The following LRRC43 variants were observed in gnomAD, a reference collection of about 807,000 sequenced individuals.
LRRC43 encodes the protein leucine rich repeat containing 43.
LRRC43 carries 62 observed loss-of-function variants against 64.3 expected under a neutral mutation model. The observed-to-expected ratio is 0.96, with a 90% CI of 0.79 to 1.19. LRRC43 has a LOEUF of 1.19. Among genes scored for constraint, LRRC43 ranks in the 50% most tolerant of loss-of-function variants. The probability of loss-of-function intolerance (pLI) is 0.00; values close to 1 mark genes in which losing one functional copy is unlikely to be tolerated. For synonymous variants in LRRC43, 422 were observed against 382.3 expected, an observed-to-expected ratio of 1.10 and a Z score of -1.21; for missense variants, 868 against 845.0, an observed-to-expected ratio of 1.03 and a Z score of -0.34.
upstream of LRRC43, among the ~76,000 whole-genome samples, chr12:122,181,542 CAA>C (rs1397476855): frequency 8.2e-5 from 7 of 85,870 alleles, no homozygotes; most frequent in Admixed American, 2.6e-4. Flanking sequence ...GACTCCGTCT[CAA>C]AAAAAAAAAA....
At chr12:122,188,743 G>C (rs943064750) in intron 4 of LRRC43, among the ~76,000 whole-genome samples, 15 of 152,120 alleles carry the variant, frequency 9.9e-5, no homozygotes, top group African/African-American at 3.6e-4. Flanking sequence ...ACTTGGCCTG[G>C]TGCCGTATTT....
chr12:122,185,283 C>G (rs1307275610), intron 2 of LRRC43, among the ~76,000 whole-genome samples: 1 of 152,040 alleles, frequency 6.6e-6, no homozygotes, highest in Non-Finnish European at 1.5e-5. Flanking sequence ...GAGGCCCAGC[C>G]TGGGCAACAT....
chr12:122,192,716 C>T (rs1456935920), intron 6 of LRRC43, 29 bp from the exon 7 acceptor site: 11 of 1,607,914 alleles, frequency 6.8e-6, no homozygotes, highest in South Asian at 2.2e-5. Flanking sequence ...AGACGGCAGC[C>T]TTGGACGAGT....
intron 1 of LRRC43, among the ~76,000 whole-genome samples, chr12:122,173,491 C>G (rs199756249): frequency 6.6e-6 from 1 of 152,220 alleles, no homozygotes. Flanking sequence ...CAAGACCAGC[C>G]TGGCCAACGT....
intron 1 of LRRC43, among the ~76,000 whole-genome samples, chr12:122,173,171 G>A (rs1953504561): frequency 6.6e-6 from 1 of 151,832 alleles, no homozygotes. Flanking sequence ...AAACCAAGGA[G>A]TCCGGACCAC....
rs925296638 is a variant in LRRC43, at chr12:122,184,311, G to C, written c.151-208G>C. ...GGGTTTCACCGTGTTAGCCAGGATG[G>C]CCTCGATCTCTTGACCTCATGATCC... On this transcript the variant is annotated intron_variant, in intron 1 of 11. Coordinates refer to ENST00000339777, the MANE Select transcript of LRRC43 (RefSeq NM_001098519.2). The surrounding 1 kb of genome is among the most constrained non-coding windows in gnomAD (Gnocchi z 4.0). Among the ~76,000 whole-genome samples, 1 of 152,080 alleles carries C rather than the reference G, an allele frequency of 6.6e-6. No individual in the cohort carries two copies. Among genetic ancestry groups the C allele is most frequent in the Non-Finnish European group, 1.5e-5 (1 of 68,010 alleles).
In LRRC43 at chr12:122,200,997, G is replaced by T. The variant is rs540002376; in HGVS notation, c.1809+63G>T. 2 of 1,511,962 alleles carry T rather than the reference G, an allele frequency of 1.3e-6. No homozygotes were observed. Among genetic ancestry groups the T allele is most frequent in the Admixed American group, 2.2e-5 (1 of 45,740 alleles). The allele number at this position is 1,511,962 out of a possible 1,614,324, so 93.7% of individuals were successfully genotyped here. On this transcript the variant is annotated intron_variant, in intron 10 of 11. Transcript: ENST00000339777. The surrounding 1 kb of genome is among the most constrained non-coding windows in gnomAD (Gnocchi z 4.6). The stretch of plus-strand genomic sequence containing the variant: ...TTCGCCCTCCCCATGGGAACCCCGC[G>T]GGCAAGCAAGGGCTGTGGGCCCAGG...
chr12:122,177,852 T>A (rs868745879), intron 1 of LRRC43, among the ~76,000 whole-genome samples: 2 of 67,948 alleles, frequency 2.9e-5, no homozygotes, highest in East Asian at 1.1e-3. Context: ...TTATTTATTA[T>A]TTTGAGATGG....
chr12:122,183,148 G>T lies in LRRC43; in HGVS notation c.4G>T (p.Glu2Ter), dbSNP rs1953598193. M[E>*]ASYESESESE... The stretch of plus-strand genomic sequence containing the variant: ...GCCGGGCAACGCGGCCCGGGCCATG[G>T]AGGCGTCGTACGAGTCCGAGTCCGA... Residue 2 changes from glutamate (E) to a stop codon, truncating the protein, a stop_gained, in exon 1 of 12, where the codon GAG becomes TAG. Coordinates refer to ENST00000339777, the MANE Select transcript of LRRC43 (RefSeq NM_001098519.2). LOFTEE classifies it high-confidence loss of function. The T allele has an allele frequency of 6.5e-7, 1 of 1,543,416 alleles. No individual in the cohort carries two copies. Among genetic ancestry groups the T allele is most frequent in the Non-Finnish European group, 8.7e-7 (1 of 1,151,132 alleles).
chr12:122,198,929 G>A (rs951558732), intron 7 of LRRC43, among the ~76,000 whole-genome samples: 2 of 151,508 alleles, frequency 1.3e-5, no homozygotes, highest in African/African-American at 2.4e-5. Context: ...CACTGAGCCC[G>A]GCCCATATCA....
chr12:122,171,718 G>A (rs1285472001), intron 1 of LRRC43, among the ~76,000 whole-genome samples: 1 of 150,858 alleles, frequency 6.6e-6, no homozygotes, highest in African/African-American at 2.4e-5. Context: ...TACCACCAGG[G>A]TCATTATTTC....
At chr12:122,169,254 T>TG (rs1056878692) in intron 1 of LRRC43, among the ~76,000 whole-genome samples, 1 of 152,186 alleles carries the variant, frequency 6.6e-6, no homozygotes, top group African/African-American at 2.4e-5. Flanking sequence ...GCCACCACCA[T>TG]GGTTTGAAGG....
At position 122,200,526 on chromosome 12, in the gene LRRC43, C is replaced by G. The variant is rs1953824050; in HGVS notation, c.1492-6C>G. 1.9e-6 allele frequency: 3 copies of G among 1,613,934 alleles called. No individual in the cohort carries two copies. The Admixed American group carries it at 5.0e-5, about 27-fold the overall frequency. Reference sequence around the variant, plus strand: ...TGCTCACTCGAGGATTCTCTCCTGCCCCTAGATTCTCTCCTGGCCTGTGGT... The same window carrying G: ...TGCTCACTCGAGGATTCTCTCCTGCGCCTAGATTCTCTCCTGGCCTGTGGT... On this transcript the variant is annotated splice_region_variant and splice_polypyrimidine_tract_variant and intron_variant, in intron 8 of 11. Transcript: ENST00000339777. The surrounding 1 kb of genome is among the most constrained non-coding windows in gnomAD (Gnocchi z 4.6).
intron 7 of LRRC43, among the ~76,000 whole-genome samples, 169 bp downstream of exon 7, chr12:122,193,173 G>A (rs1413119272): frequency 6.6e-6 from 1 of 151,858 alleles, no homozygotes; most frequent in African/African-American, 2.4e-5. Flanking sequence ...GAGGTCAGGA[G>A]ATCGAGACCA....
rs776844842 is a variant in LRRC43 at position 122,187,760 on chromosome 12, C to G, written c.582C>G (p.Pro194=). The change falls in exon 4 of 12, where the codon CCC becomes CCG. Residue 194 remains proline, a synonymous_variant. Coordinates refer to ENST00000339777, the MANE Select transcript of LRRC43 (RefSeq NM_001098519.2). Reference sequence around the variant, plus strand: ...TGGAGTGTCTGTGTGCCCACCCACCCGCCGGCCTGCAGCACTTGGGGTTAG... The same window carrying G: ...TGGAGTGTCTGTGTGCCCACCCACCGGCCGGCCTGCAGCACTTGGGGTTAG... ...SSMECLCAHP[P]AGLQHLGLGH... The G allele has an allele frequency of 3.1e-6, 5 of 1,614,056 alleles. No homozygotes were observed. Among genetic ancestry groups the G allele is most frequent in the Non-Finnish European group, 4.2e-6 (5 of 1,179,974 alleles).
chr12:122,192,812 T>A lies in LRRC43; in HGVS notation c.1157T>A (p.Val386Asp), dbSNP rs544599388. 2 of 1,614,116 alleles carry A rather than the reference T, an allele frequency of 1.2e-6. No individual in the cohort carries two copies. Among genetic ancestry groups the A allele is most frequent in the South Asian group, 2.2e-5 (2 of 91,086 alleles). Residue 386 changes from valine (V) to aspartate (D), a missense_variant, in exon 7 of 12, where the codon GTC becomes GAC. Val to Asp is a radical substitution (Grantham distance 152). Transcript: ENST00000339777. Reference protein sequence around the residue: ...EESPEEVVEDVIEDIVEEVTE... With the variant: ...EESPEEVVEDDIEDIVEEVTE... ...TCTCCTGAAGAGGTCGTGGAAGACG[T>A]CATCGAAGACATTGTTGAAGAGGTT...
chr12:122,188,209 C>T (rs1953669817), intron 4 of LRRC43, among the ~76,000 whole-genome samples: 1 of 152,150 alleles, frequency 6.6e-6, no homozygotes, highest in African/African-American at 2.4e-5. Flanking sequence ...CGGGTTCACG[C>T]CATTCTCCTG....
At chr12:122,189,077 A>G (rs1459738465) in intron 4 of LRRC43, among the ~76,000 whole-genome samples, 1 of 152,068 alleles carries the variant, frequency 6.6e-6, no homozygotes, top group Admixed American at 6.5e-5. Context: ...TTGATATTCA[A>G]CTTGATCTCC....
chr12:122,180,614 G>C (rs192714758), upstream of LRRC43, among the ~76,000 whole-genome samples: 1 of 152,288 alleles, frequency 6.6e-6, no homozygotes. Context: ...GCTGCAGGGG[G>C]ACTTGGGATG....
Sources: gnomAD v4.1 joint callset for allele counts (sites outside exome capture counted in the v4.1 genomes callset) on GRCh38, gnomAD v4.1.1 for gene constraint, Gnocchi (gnomAD v3.1) non-coding constraint, MANE v1.5 for transcripts, NCBI Gene and HGNC (gene_info 2026-07-23, HGNC 2026-07-21) for gene names.